PCDH15: variants seen among roughly 807,000 people sequenced by gnomAD.
PCDH15 encodes protocadherin related 15.
Under a neutral mutation model 178.5 loss-of-function variants are expected in PCDH15, and 129 were observed. The observed-to-expected ratio is 0.72, with a 90% CI of 0.63 to 0.84. The LOEUF (loss-of-function observed/expected upper bound fraction) is 0.84, where lower values mean the gene tolerates loss of function less well. Among genes scored for constraint, PCDH15 ranks in the 40% least tolerant of loss-of-function variants. PCDH15 has a pLI of 0.00. For missense variants in PCDH15, 2,230 were observed against 2,099.9 expected (o/e 1.06, Z -1.21); for synonymous variants, 800 against 732.0 (o/e 1.09, Z -1.50).
chr10:55,306,509 T>C (rs1440043563), intron 1 of PCDH15, among the ~76,000 whole-genome samples: 1 of 152,090 alleles, frequency 6.6e-6, no homozygotes, highest in Non-Finnish European at 1.5e-5. Context: ...ATTCTGAAAA[T>C]TGAGACAACG....
intron 1 of PCDH15, among the ~76,000 whole-genome samples, chr10:54,724,587 T>C (rs1182759128): frequency 6.6e-6 from 1 of 151,562 alleles, no homozygotes; most frequent in African/African-American, 2.4e-5. Context: ...ATATCTTCAC[T>C]GAAAAGTTAT....
chr10:54,966,287 T>C (rs1838786594), intron 2 of PCDH15, among the ~76,000 whole-genome samples: 1 of 152,066 alleles, frequency 6.6e-6, no homozygotes, highest in Non-Finnish European at 1.5e-5. Context: ...TTTTTGTTTA[T>C]TTATTTTATT....
rs552623686 is a variant in PCDH15, at chr10:54,482,486, A to T, written c.157+45326T>A. ...CTTTATTATGAGTAGGTAAGTAGAG[A>T]GTGTATTTATTTAGATGCTCCCCAC... On this transcript the variant is annotated intron_variant, in intron 3 of 37. Coordinates refer to ENST00000644397, the MANE Select transcript of PCDH15 (RefSeq NM_001384140.1). Among the ~76,000 whole-genome samples the T allele has an allele frequency of 1.6e-3, 243 of 151,842 alleles. 1 individual carries two copies. Among genetic ancestry groups the T allele is most frequent in the African/African-American group, 5.4e-3 (224 of 41,496 alleles).
chr10:54,272,610 T>G (rs1434099084), intron 8 of PCDH15, among the ~76,000 whole-genome samples: 1 of 152,124 alleles, frequency 6.6e-6, no homozygotes, highest in East Asian at 1.9e-4. Flanking sequence ...TGAAACAATT[T>G]AATAATGCAG....
chr10:53,971,853 G>T (rs992153780), intron 21 of PCDH15, among the ~76,000 whole-genome samples: 2 of 152,132 alleles, frequency 1.3e-5, no homozygotes, highest in African/African-American at 4.8e-5. Context: ...CATGAAAATG[G>T]TCATACTGCC....
At chr10:55,391,779 C>T (rs979255018) in intron 2 of PCDH15, among the ~76,000 whole-genome samples, 6 of 152,196 alleles carry the variant, frequency 3.9e-5, no homozygotes, top group Non-Finnish European at 8.8e-5. Flanking sequence ...AGTCACCACG[C>T]CCTGCCAGAA....
intron 6 of PCDH15, among the ~76,000 whole-genome samples, chr10:54,335,244 T>A (rs1456285335): frequency 6.6e-6 from 1 of 152,216 alleles, no homozygotes; most frequent in African/African-American, 2.4e-5. Context: ...TTTTTCTGTT[T>A]CATACTGTTA....
intron 34 of PCDH15, among the ~76,000 whole-genome samples, chr10:53,816,679 T>C (rs2076070893): frequency 6.6e-6 from 1 of 152,136 alleles, no homozygotes; most frequent in Non-Finnish European, 1.5e-5. Flanking sequence ...TCCTTCCCAA[T>C]CACATTAAAT....
At chr10:54,365,919 C>T (rs553614706) in intron 5 of PCDH15, among the ~76,000 whole-genome samples, 3 of 151,966 alleles carry the variant, frequency 2.0e-5, no homozygotes, top group South Asian at 2.1e-4. Flanking sequence ...TTACGAAGAG[C>T]GTAAGAGGGT....
chr10:53,933,711 A>G (rs1430544839), intron 25 of PCDH15, among the ~76,000 whole-genome samples: 1 of 152,186 alleles, frequency 6.6e-6, no homozygotes, highest in African/African-American at 2.4e-5. Context: ...GCTGGGTCAA[A>G]TGGTATTTCT....
At chr10:54,841,036 A>G (rs1167366974) in intron 3 of PCDH15, among the ~76,000 whole-genome samples, 3 of 151,834 alleles carry the variant, frequency 2.0e-5, no homozygotes, top group African/African-American at 7.2e-5. Context: ...GTCAATAAGG[A>G]AACAGCAGAC....
chr10:55,286,990 T>A (rs1842888004), intron 1 of PCDH15, among the ~76,000 whole-genome samples: 1 of 152,052 alleles, frequency 6.6e-6, no homozygotes, highest in Non-Finnish European at 1.5e-5. Context: ...ACTTCCTTAC[T>A]TTTGCCTAAA....
intron 17 of PCDH15, among the ~76,000 whole-genome samples, chr10:54,069,868 C>T (rs933175071): frequency 6.6e-6 from 1 of 151,940 alleles, no homozygotes; most frequent in Non-Finnish European, 1.5e-5. Context: ...TTGTTAGGAC[C>T]ATATGTCATT....
At chr10:53,975,898 T>G (rs12763112) in intron 21 of PCDH15, among the ~76,000 whole-genome samples, 35,778 of 152,056 alleles carry the variant, frequency 0.24, 4,672 homozygotes, top group East Asian at 0.55. Context: ...TTTTTATAGT[T>G]TTATGTCTTA....
At chr10:54,549,954 T>G (rs965068173) in intron 2 of PCDH15, among the ~76,000 whole-genome samples, 2 of 152,088 alleles carry the variant, frequency 1.3e-5, no homozygotes, top group East Asian at 1.9e-4. Context: ...ATTTTTGCCT[T>G]AATGCTTTAT....
chr10:54,310,711 T>C (rs2060849046), intron 8 of PCDH15, among the ~76,000 whole-genome samples: 1 of 151,998 alleles, frequency 6.6e-6, no homozygotes, highest in Non-Finnish European at 1.5e-5. Flanking sequence ...TAGAACTCTA[T>C]ATAGGTTTGC....
intron 1 of PCDH15, among the ~76,000 whole-genome samples, chr10:54,695,364 G>C (rs118073441): frequency 0.018 from 2,797 of 152,110 alleles, 1 homozygote; most frequent in Non-Finnish European, 0.028. Flanking sequence ...AACTGAGAGA[G>C]GACAGGAAGC....
chr10:54,675,616 C>G (rs920518575), intron 1 of PCDH15, among the ~76,000 whole-genome samples: 4 of 152,046 alleles, frequency 2.6e-5, no homozygotes, highest in African/African-American at 9.7e-5. Flanking sequence ...TCATGTAAGA[C>G]TTCTCTGACA....
intron 2 of PCDH15, among the ~76,000 whole-genome samples, chr10:54,612,729 C>T (rs1287104587): frequency 1.3e-5 from 2 of 151,584 alleles, no homozygotes; most frequent in East Asian, 3.9e-4. Context: ...CTTGTGTGAC[C>T]TAACAATTGG....
Sources: allele counts gnomAD v4.1 joint callset (sites outside exome capture counted in the v4.1 genomes callset), GRCh38; gene constraint gnomAD v4.1.1; transcripts MANE v1.5; gene names NCBI Gene and HGNC (gene_info 2026-07-23, HGNC 2026-07-21).